EPB41: variants seen among roughly 807,000 people sequenced by gnomAD.
EPB41 encodes protein 4.1.
EPB41 carries 65 observed loss-of-function variants against 108.0 expected under a neutral mutation model. That is an observed-to-expected ratio of 0.60 (90% confidence interval 0.49 to 0.74). The LOEUF is 0.74. Ranked by LOEUF, EPB41 falls within the 30% of genes least tolerant of loss-of-function variation. EPB41 has a pLI of 0.00. For missense variants in EPB41, 875 were observed against 1,037.0 expected, an observed-to-expected ratio of 0.84 and a Z score of 2.15; for synonymous variants, 336 against 358.9, an observed-to-expected ratio of 0.94 and a Z score of 0.72.
intron 1 of EPB41, among the ~76,000 whole-genome samples, chr1:28,905,967 A>G (rs1280689948): frequency 2.6e-5 from 4 of 151,532 alleles, no homozygotes; most frequent in Admixed American, 6.6e-5. Flanking sequence ...ACAGGCGCCC[A>G]CCACCATGCC....
At chr1:29,068,495 G>T (rs904976302) in intron 16 of EPB41, among the ~76,000 whole-genome samples, 2 of 152,142 alleles carry the variant, frequency 1.3e-5, no homozygotes, top group Admixed American at 1.3e-4. Context: ...CAATATCCAT[G>T]GGAGTACTTG....
intron 16 of EPB41, chr1:29,069,265 G>A: frequency 8.1e-7 from 1 of 1,231,644 alleles, no homozygotes; most frequent in East Asian, 3.2e-5. Context: ...TCAACTGAGA[G>A]AACTTAGAGC....
chr1:28,977,399 T>C (rs1019855566), intron 1 of EPB41, among the ~76,000 whole-genome samples: 3 of 151,812 alleles, frequency 2.0e-5, no homozygotes, highest in Non-Finnish European at 4.4e-5. Context: ...TTTTTCTTTT[T>C]TTTTTTTTTT....
At position 28,996,666 on chromosome 1, in the gene EPB41, T is replaced by C. The variant is rs150928976; in HGVS notation, c.682-549T>C. Among the ~76,000 whole-genome samples, 573 of 152,348 alleles carry C rather than the reference T, an allele frequency of 3.8e-3. 6 individuals are homozygous for C. Among genetic ancestry groups the C allele is most frequent in the African/African-American group, 0.013 (531 of 41,580 alleles). ...TTGCTTTGAATTGTAACACAATTTC[T>C]AAACTAGTATATGTGTATTACATAT... On this transcript the variant is annotated intron_variant, in intron 3 of 20. Transcript: ENST00000343067.
intron 2 of EPB41, 73 bp downstream of exon 2, chr1:28,987,978 T>A (rs1033353071): frequency 1.3e-6 from 2 of 1,523,834 alleles, no homozygotes; most frequent in Non-Finnish European, 1.8e-6. Context: ...TTAAGAGTAT[T>A]TGGGCTGGGC....
intron 12 of EPB41, among the ~76,000 whole-genome samples, chr1:29,057,206 C>A (rs899233408): frequency 6.6e-6 from 1 of 151,654 alleles, no homozygotes; most frequent in Non-Finnish European, 1.5e-5. Context: ...GAAACCCCGT[C>A]TCTACTAAAA....
At chr1:29,004,204 C>T (rs1217036992) in intron 4 of EPB41, among the ~76,000 whole-genome samples, 1 of 152,188 alleles carries the variant, frequency 6.6e-6, no homozygotes, top group African/African-American at 2.4e-5. Flanking sequence ...GGAGAGAAGT[C>T]ACTTACATTA....
chr1:28,895,793 G>A (rs2090600053), intron 1 of EPB41, among the ~76,000 whole-genome samples: 1 of 152,090 alleles, frequency 6.6e-6, no homozygotes, highest in African/African-American at 2.4e-5. Flanking sequence ...CGGCCCTAAG[G>A]CCCAAATTCT....
In EPB41 at chr1:29,068,693, T is replaced by G. The variant is rs1649705633; in HGVS notation, c.2184+3535T>G. ...ACCTTTGACGGTATTGTTGTTGCAT[T>G]GCAAGGCAACTGAATTTTATATAAT... On this transcript the variant is annotated intron_variant, in intron 16 of 20. Coordinates refer to ENST00000343067, the MANE Select transcript of EPB41 (RefSeq NM_001376013.1). The G allele has an allele frequency of 4.1e-6, 5 of 1,209,578 alleles. No homozygotes were observed. In the South Asian group the frequency reaches 2.1e-4, roughly 51 times the overall value. The allele number at this position is 1,209,578 out of a possible 1,614,324, so 74.9% of individuals were successfully genotyped here.
intron 16 of EPB41, among the ~76,000 whole-genome samples, chr1:29,084,013 A>G (rs535942311): frequency 1.3e-5 from 1 of 77,112 alleles, no homozygotes; most frequent in African/African-American, 5.0e-5. Context: ...CAGGAGCTGG[A>G]CTCTTCTGCT....
chr1:29,004,020 G>A (rs114249703), intron 4 of EPB41, among the ~76,000 whole-genome samples: 3 of 152,278 alleles, frequency 2.0e-5, no homozygotes, highest in South Asian at 2.1e-4. Context: ...GCCTTGCCTC[G>A]CAAAGTGCTG....
intron 1 of EPB41, among the ~76,000 whole-genome samples, chr1:28,916,388 C>A (rs2092674288): frequency 2.0e-5 from 3 of 152,324 alleles, no homozygotes; most frequent in Non-Finnish European, 1.5e-5. Context: ...GTAATCCCAG[C>A]ACTTTGGGAG....
In EPB41 at chr1:29,006,905, TA is replaced by T. The variant is rs771320169; in HGVS notation, c.787-4946del. ...ACAGAGTGAGACCCTATCCCAAAAT[TA>T]AAAAAAAAAAAAAGTTACTTCATCC... On this transcript the variant is annotated intron_variant, in intron 4 of 20. Transcript: ENST00000343067. 6.6e-3 allele frequency among the ~76,000 whole-genome samples: 916 copies of T among 139,402 alleles called. 6 individuals carry two copies. Among genetic ancestry groups the T allele is most frequent in the African/African-American group, 0.015 (562 of 38,180 alleles). 91.5% of individuals were successfully genotyped at this position (139,402 alleles called of 152,430 possible). A position where few individuals can be genotyped will look rare whatever the true frequency, so the allele number is the denominator to read the frequency against.
intron 15 of EPB41, 27 bp downstream of exon 15, chr1:29,060,511 A>G (rs376822424): frequency 1.3e-6 from 2 of 1,598,592 alleles, no homozygotes; most frequent in African/African-American, 2.7e-5. Flanking sequence ...AGCTTATTTC[A>G]GTTGGTTGCC....
intron 16 of EPB41, among the ~76,000 whole-genome samples, chr1:29,083,298 C>T (rs1001859772): frequency 6.6e-6 from 1 of 152,154 alleles, no homozygotes; most frequent in African/African-American, 2.4e-5. Flanking sequence ...TCACCTTTTG[C>T]TAGCCCATGG....
At chr1:29,016,892 TAC>T (rs2096585777) in intron 6 of EPB41, among the ~76,000 whole-genome samples, 1 of 152,224 alleles carries the variant, frequency 6.6e-6, no homozygotes, top group Non-Finnish European at 1.5e-5. Context: ...CAGGCAGATT[TAC>T]AGTCTTTAGG....
chr1:29,024,751 A>G (rs1268867433), intron 7 of EPB41, among the ~76,000 whole-genome samples: 1 of 152,096 alleles, frequency 6.6e-6, no homozygotes, highest in African/African-American at 2.4e-5. Context: ...CTTTATCAGA[A>G]TGTAAACCCA....
chr1:29,100,355 G>A (rs566410204), intron 17 of EPB41, among the ~76,000 whole-genome samples: 75 of 85,734 alleles, frequency 8.7e-4, no homozygotes, highest in African/African-American at 2.2e-3. Flanking sequence ...CCAGCTACTC[G>A]GGAGGCTGAG....
At chr1:29,058,750 A>T in intron 13 of EPB41, 61 bp from the exon 14 acceptor site, 3 of 1,531,300 alleles carry the variant, frequency 2.0e-6, no homozygotes, top group Non-Finnish European at 2.7e-6. Context: ...GAAGGTTCAA[A>T]CAAACTTCAA....
Sources: gnomAD v4.1 joint callset for allele counts (sites outside exome capture counted in the v4.1 genomes callset) on GRCh38, gnomAD v4.1.1 for gene constraint, MANE v1.5 for transcripts, NCBI Gene and HGNC (gene_info 2026-07-23, HGNC 2026-07-21) for gene names.